TCN2: variants seen among roughly 807,000 people sequenced by gnomAD.
TCN2 encodes transcobalamin 2.
TCN2 carries 34 observed loss-of-function variants against 48.6 expected under a neutral mutation model. That is an observed-to-expected ratio of 0.70 (90% CI 0.53 to 0.93). The LOEUF is 0.93. TCN2 is among the 40% of genes least tolerant of loss of function. The pLI, the probability that TCN2 is intolerant of heterozygous loss-of-function variation, is 0.00. For missense variants in TCN2, 652 were observed against 526.1 expected, an observed-to-expected ratio of 1.24 and a Z score of -2.34; for synonymous variants, 283 against 212.5, an observed-to-expected ratio of 1.33 and a Z score of -2.89.
At chr22:30,623,426 C>T (rs934281726) in intron 8 of TCN2, 9 of 219,406 alleles carry the variant, frequency 4.1e-5, no homozygotes, top group Admixed American at 3.2e-4. Context: ...GATCTCGGCT[C>T]GCTGCAACCT....
rs1052196024 is a variant in TCN2 at position 30,627,260 on chromosome 22, A to G, written c.*739A>G. On this transcript the variant is annotated 3_prime_UTR_variant, in exon 9 of 9. Transcript: ENST00000215838. ...ACTGAGCACTCACTCGCTAGATACT[A>G]TCTTGAACTGCTCTGTGAGGTTGTT... 3.9e-5 allele frequency: 6 copies of G among 154,520 alleles called. No individual in the cohort carries two copies. The highest frequency in any genetic ancestry group is 1.2e-4 in the African/African-American group (5 of 41,466). 9.6% of individuals were successfully genotyped at this position (154,520 alleles called of 1,614,324 possible).
At position 30,615,686 on chromosome 22, in the gene TCN2, A is replaced by T; in HGVS notation, c.839A>T (p.Asp280Val). The change falls in exon 6 of 9, where the codon GAT (aspartate) becomes GTT (valine). Residue 280 changes from aspartate (D) to valine (V), a missense_variant. Transcript: ENST00000215838. Reference protein sequence around the residue: ...ARVALLASLQDGAFQNALMIS... With the variant: ...ARVALLASLQVGAFQNALMIS... ...GTTGCTTTGCTGGCCAGTCTGCAGG[A>T]TGGAGCCTTCCAGAATGCTCTCATG... The T allele has an allele frequency of 1.2e-6, 2 of 1,614,188 alleles. No individual in the cohort carries two copies. The highest frequency in any genetic ancestry group is 1.7e-6 in the Non-Finnish European group (2 of 1,180,040).
chr22:30,617,196 G>A, intron 6 of TCN2, 134 bp from the exon 7 acceptor site: 2 of 1,201,872 alleles, frequency 1.7e-6, no homozygotes, highest in South Asian at 1.3e-5. Context: ...AGCTGAGCAG[G>A]TGGCGGTGGC....
chr22:30,625,851 C>T (rs1260679339), intron 8 of TCN2, among the ~76,000 whole-genome samples: 13 of 152,188 alleles, frequency 8.5e-5, no homozygotes, highest in Admixed American at 7.9e-4. Flanking sequence ...CTGATACCAT[C>T]ACCTTTGGGG....
rs550487286 is a variant in TCN2 at position 30,613,280 on chromosome 22, G to T, written c.427+238G>T. On this transcript the variant is annotated intron_variant, in intron 3 of 8. Transcript: ENST00000215838. ...TGTGTTTCGTGGTTTTTTGTTTTTTGTTTGTTTGTTTGTTTTGAGTTGGAG... is the reference window on the plus strand; with the variant it reads ...TGTGTTTCGTGGTTTTTTGTTTTTTTTTTGTTTGTTTGTTTTGAGTTGGAG... Among the ~76,000 whole-genome samples the T allele has an allele frequency of 2.6e-5, 4 of 151,844 alleles. No individual in the cohort carries two copies. The East Asian group carries it at 5.8e-4, about 22-fold the overall frequency.
chr22:30,615,512 A>C (rs750414229), intron 5 of TCN2, 39 bp downstream of exon 5: 1 of 1,608,386 alleles, frequency 6.2e-7, no homozygotes, highest in Admixed American at 1.7e-5. Flanking sequence ...ACCCTGGGGA[A>C]CAGTCAGGGG....
intron 6 of TCN2, 24 bp downstream of exon 6, chr22:30,615,811 A>G (rs1202070706): frequency 6.2e-7 from 1 of 1,613,848 alleles, no homozygotes; most frequent in Non-Finnish European, 8.5e-7. Flanking sequence ...TTGTGGAAGC[A>G]CAGCCCTTTA....
At chr22:30,614,936 C>T (rs1430108528) in intron 4 of TCN2, among the ~76,000 whole-genome samples, 2 of 152,198 alleles carry the variant, frequency 1.3e-5, no homozygotes, top group East Asian at 3.9e-4. Context: ...TAAAATAAAA[C>T]TCCCCTAGTG....
intron 1 of TCN2, 57 bp from the exon 2 acceptor site, chr22:30,610,814 A>C: frequency 6.3e-7 from 1 of 1,596,152 alleles, no homozygotes; most frequent in Non-Finnish European, 8.6e-7. Context: ...ACGTCAAAGC[A>C]CTTCTTTGCT....
At chr22:30,607,844 TA>T (rs2087475992) in intron 1 of TCN2, among the ~76,000 whole-genome samples, 2 of 151,854 alleles carry the variant, frequency 1.3e-5, no homozygotes, top group Non-Finnish European at 1.5e-5. Flanking sequence ...CTGGGCAACA[TA>T]GGGAGACCCC....
chr22:30,624,125 A>G (rs1447911497), intron 8 of TCN2, among the ~76,000 whole-genome samples: 2 of 145,064 alleles, frequency 1.4e-5, no homozygotes, highest in Non-Finnish European at 3.0e-5. Context: ...CCCAGGCCGG[A>G]GTACAATGGC....
chr22:30,615,939 C>A, intron 6 of TCN2, 152 bp downstream of exon 6: 1 of 882,294 alleles, frequency 1.1e-6, no homozygotes, highest in Non-Finnish European at 1.8e-6. Flanking sequence ...GTGGTCATAG[C>A]TTCTAGAAGC....
chr22:30,609,418 CCTTCTAAGGA>C (rs2087502528), intron 1 of TCN2, among the ~76,000 whole-genome samples: 1 of 152,152 alleles, frequency 6.6e-6, no homozygotes, highest in Non-Finnish European at 1.5e-5. Context: ...CTGGCCCCTT[CCTTCTAAGGA>C]GGTTGCTCTG....
chr22:30,620,999 T>G (rs79710322), intron 7 of TCN2, among the ~76,000 whole-genome samples: 3,520 of 150,978 alleles, frequency 0.023, 53 homozygotes, highest in East Asian at 0.037. Flanking sequence ...TGGTGGTTGT[T>G]GTTGTTGTTT....
intron 2 of TCN2, among the ~76,000 whole-genome samples, chr22:30,612,075 AAAAAAG>A (rs371931405): frequency 1.3e-5 from 2 of 152,074 alleles, no homozygotes; most frequent in African/African-American, 4.8e-5. Context: ...CATCTCTTAA[AAAAAAG>A]AAAAAGAAAA....
Position 30,620,963 on chromosome 22 carries a change from C to G in TCN2, c.1107-2005C>G, listed in dbSNP as rs145315923. Reference sequence around the variant, plus strand: ...GACATTCCTTAGAACAGTAGTTTCCCTTCGCTAAAGTCACCCCAAATAGGG... The same window carrying G: ...GACATTCCTTAGAACAGTAGTTTCCGTTCGCTAAAGTCACCCCAAATAGGG... On this transcript the variant is annotated intron_variant, in intron 7 of 8. Transcript: ENST00000215838. Among the ~76,000 whole-genome samples the G allele has an allele frequency of 3.7e-4, 57 of 152,180 alleles. 1 individual carries two copies. In the East Asian group the frequency reaches 8.5e-3, roughly 23 times the overall value.
intron 2 of TCN2, 122 bp downstream of exon 2, chr22:30,611,185 A>T (rs751179137): frequency 1.8e-4 from 206 of 1,167,902 alleles, no homozygotes; most frequent in Non-Finnish European, 2.5e-4. Context: ...CTCCATCTAT[A>T]GAATGGAGGA....
chr22:30,624,938 C>T (rs990193938), intron 8 of TCN2, among the ~76,000 whole-genome samples: 8 of 152,224 alleles, frequency 5.3e-5, no homozygotes, highest in East Asian at 3.9e-4. Context: ...GAAATGAGGC[C>T]GGGTGCGGTG....
In TCN2 at chr22:30,623,842, A is replaced by ATG. The variant is rs1384079908; in HGVS notation, c.1222+759_1222+760insTG. On this transcript the variant is annotated intron_variant, in intron 8 of 8. Coordinates refer to ENST00000215838, the MANE Select transcript of TCN2 (RefSeq NM_000355.4). ...CACACATACACACACATATACACACACATACATACACATACATACACACAT... is the reference window on the plus strand; with the variant it reads ...CACACATACACACACATATACACACATGCATACATACACATACATACACACAT... Among the ~76,000 whole-genome samples, 8 of 81,032 alleles carry ATG rather than the reference A, an allele frequency of 9.9e-5. 1 individual carries two copies. Among genetic ancestry groups the ATG allele is most frequent in the Middle Eastern group, 5.4e-3 (1 of 184 alleles). 53.2% of individuals were successfully genotyped at this position (81,032 alleles called of 152,430 possible).
Sources: allele counts gnomAD v4.1 joint callset (sites outside exome capture counted in the v4.1 genomes callset), GRCh38; gene constraint gnomAD v4.1.1; transcripts MANE v1.5; gene names NCBI Gene and HGNC (gene_info 2026-07-23, HGNC 2026-07-21).